Variants in ANKRD44 observed in about 807,000 individuals in gnomAD.
ANKRD44 encodes the protein ankyrin repeat domain 44.
ANKRD44 carries 35 observed loss-of-function variants against 116.0 expected under a neutral mutation model. That is an observed-to-expected ratio of 0.30 (90% CI 0.23 to 0.40). The LOEUF is 0.40. ANKRD44 is among the 10% of genes least tolerant of loss of function. ANKRD44 has a pLI of 1.00. For synonymous variants in ANKRD44, 435 were observed against 461.8 expected (o/e 0.94, Z 0.74); for missense variants, 1,014 against 1,242.6 (o/e 0.82, Z 2.77).
chr2:197,012,697 C>G (rs994820417), intron 18 of ANKRD44, among the ~76,000 whole-genome samples: 1 of 152,050 alleles, frequency 6.6e-6, no homozygotes, highest in Admixed American at 6.5e-5. Flanking sequence ...AAAATTTTCC[C>G]AAGTAACAAG....
At chr2:197,285,485 G>A (rs770959259) in intron 1 of ANKRD44, among the ~76,000 whole-genome samples, 19 of 152,146 alleles carry the variant, frequency 1.2e-4, no homozygotes, top group Non-Finnish European at 2.1e-4. Context: ...TCTAGTTGAC[G>A]CTGAAGCCTT....
In ANKRD44 at chr2:196,999,013, C is replaced by T. The variant is rs569780075; in HGVS notation, c.2559G>A (p.Glu853=). The change falls in exon 24 of 28, where the codon GAG becomes GAA. Residue 853 remains glutamate, a synonymous_variant. Coordinates refer to ENST00000282272, the MANE Select transcript of ANKRD44 (RefSeq NM_001195144.2). Reference sequence around the variant, plus strand: ...TGTGTCTCAGAAGAAGCTGCAAGCACTCCACATGATCAGCAAATGCTGCCG... The same window carrying T: ...TGTGTCTCAGAAGAAGCTGCAAGCATTCCACATGATCAGCAAATGCTGCCG... ...LHAAAFADHV[E]CLQLLLRHSA... 1.1e-5 allele frequency: 18 copies of T among 1,614,218 alleles called. No homozygotes were observed. In the African/African-American group the frequency reaches 1.7e-4, roughly 16 times the overall value.
intron 9 of ANKRD44, among the ~76,000 whole-genome samples, chr2:197,101,794 G>T (rs1388205476): frequency 1.3e-5 from 2 of 152,042 alleles, no homozygotes; most frequent in African/African-American, 2.4e-5. Flanking sequence ...GGAGTACTTT[G>T]TTCAAAATTT....
At chr2:197,067,546 C>T (rs1428914774) in intron 16 of ANKRD44, among the ~76,000 whole-genome samples, 14 of 136,426 alleles carry the variant, frequency 1.0e-4, no homozygotes, top group Admixed American at 2.3e-4. Flanking sequence ...AAAAAGTGGG[C>T]GAAGGACATG....
At chr2:197,199,901 T>C (rs2081055230) in intron 1 of ANKRD44, among the ~76,000 whole-genome samples, 2 of 152,204 alleles carry the variant, frequency 1.3e-5, no homozygotes, top group South Asian at 4.1e-4. Flanking sequence ...CCCCTTCGAA[T>C]GGGCATTTGG....
At chr2:197,263,450 C>T (rs918136427) in intron 1 of ANKRD44, 1 of 541,186 alleles carries the variant, frequency 1.8e-6, no homozygotes, top group Middle Eastern at 4.7e-4. Flanking sequence ...CAGCTCTTCT[C>T]CTACACCATT....
chr2:197,068,323 G>A, intron 16 of ANKRD44, among the ~76,000 whole-genome samples: 1 of 132,534 alleles, frequency 7.5e-6, no homozygotes, highest in Non-Finnish European at 1.6e-5. Context: ...TAACTAACCT[G>A]CACAATGTGC....
At chr2:197,249,785 A>G (rs1364460145) in intron 1 of ANKRD44, among the ~76,000 whole-genome samples, 2 of 152,248 alleles carry the variant, frequency 1.3e-5, no homozygotes, top group African/African-American at 2.4e-5. Context: ...TTTTACTTTC[A>G]TTATCAAAGT....
At chr2:197,222,820 A>ATTTTT (rs533208791) in intron 1 of ANKRD44, among the ~76,000 whole-genome samples, 1 of 146,868 alleles carries the variant, frequency 6.8e-6, no homozygotes, top group African/African-American at 2.5e-5. Context: ...TTATTTATTT[A>ATTTTT]TTTTTTTTTT....
Position 197,117,660 on chromosome 2 carries a change from C to G in ANKRD44, c.906+3672G>C, listed in dbSNP as rs185476732. Among the ~76,000 whole-genome samples the G allele has an allele frequency of 9.5e-4, 144 of 152,322 alleles. 1 individual carries two copies. The highest frequency in any genetic ancestry group is 3.1e-3 in the African/African-American group (130 of 41,574). Reference sequence around the variant, plus strand: ...GCTGGATTACAGGCATGAGCCACCACGCCTGGCCTCTTTGCCACATTTCAA... The same window carrying G: ...GCTGGATTACAGGCATGAGCCACCAGGCCTGGCCTCTTTGCCACATTTCAA... On this transcript the variant is annotated intron_variant, in intron 8 of 27. Transcript: ENST00000282272.
chr2:197,034,136 A>G (rs989042787), intron 16 of ANKRD44, among the ~76,000 whole-genome samples: 1 of 150,456 alleles, frequency 6.6e-6, no homozygotes, highest in East Asian at 2.0e-4. Context: ...TGTGGTCTGT[A>G]TTATTGGAAA....
chr2:196,989,828 T>C (rs907387684), intron 27 of ANKRD44, 179 bp from the exon 28 acceptor site: 2 of 1,378,310 alleles, frequency 1.5e-6, no homozygotes, highest in Non-Finnish European at 1.9e-6. Flanking sequence ...CTCATTTTAC[T>C]ACTGATGAAC....
chr2:197,211,976 C>T (rs2081334765), intron 1 of ANKRD44, among the ~76,000 whole-genome samples: 1 of 151,942 alleles, frequency 6.6e-6, no homozygotes, highest in African/African-American at 2.4e-5. Flanking sequence ...TGATGAAGGG[C>T]TAGTAATCAA....
intron 1 of ANKRD44, among the ~76,000 whole-genome samples, chr2:197,236,390 AC>A (rs2081977882): frequency 6.6e-6 from 1 of 152,196 alleles, no homozygotes; most frequent in South Asian, 2.1e-4. Context: ...GGTGTCCTGA[AC>A]CCCAATTAGC....
intron 4 of ANKRD44, among the ~76,000 whole-genome samples, chr2:197,133,072 T>G (rs552699546): frequency 6.6e-6 from 1 of 152,354 alleles, no homozygotes; most frequent in East Asian, 1.9e-4. Context: ...CTAACTGGTA[T>G]GCTGTTGGGC....
chr2:197,089,923 C>T (rs1432896841), intron 11 of ANKRD44, 27 bp downstream of exon 11: 3 of 1,603,152 alleles, frequency 1.9e-6, no homozygotes, highest in Non-Finnish European at 2.6e-6. Context: ...CACATTAAGC[C>T]TCATCTCTGC....
intron 1 of ANKRD44, among the ~76,000 whole-genome samples, chr2:197,213,632 C>T (rs145116971): frequency 1.5e-3 from 226 of 152,280 alleles, no homozygotes; most frequent in African/African-American, 5.0e-3. Context: ...CAGCCTCATA[C>T]GCTGAGCCTA....
chr2:197,064,283 C>A (rs558535001), intron 16 of ANKRD44, among the ~76,000 whole-genome samples: 5 of 152,280 alleles, frequency 3.3e-5, no homozygotes, highest in East Asian at 1.9e-4. Context: ...GCCTGCCCTA[C>A]AAGAGCTCCT....
chr2:196,979,385 A>T (rs1346960139), intron 21 of ANKRD44, among the ~76,000 whole-genome samples: 1 of 145,152 alleles, frequency 6.9e-6, no homozygotes, highest in Non-Finnish European at 1.5e-5. Flanking sequence ...TCCGTCTCAA[A>T]AAAAAAAAAA....
Sources: gnomAD v4.1 joint callset for allele counts (sites outside exome capture counted in the v4.1 genomes callset) on GRCh38, gnomAD v4.1.1 for gene constraint, MANE v1.5 for transcripts, NCBI Gene and HGNC (gene_info 2026-07-23, HGNC 2026-07-21) for gene names.